The following PTPRR variants were observed in gnomAD, a reference collection of about 807,000 sequenced individuals.
PTPRR encodes the protein receptor-type tyrosine-protein phosphatase R.
A neutral mutation model predicts 77.2 loss-of-function variants in PTPRR; 38 were observed. That is an observed-to-expected ratio of 0.49 (90% CI 0.38 to 0.65). The LOEUF (loss-of-function observed/expected upper bound fraction) is 0.65, where lower values mean the gene tolerates loss of function less well. Ranked by LOEUF, PTPRR falls within the 30% of genes least tolerant of loss-of-function variation. PTPRR has a pLI of 0.00. For missense variants in PTPRR, 744 were observed against 799.2 expected (o/e 0.93, Z 0.83); for synonymous variants, 299 against 283.1 (o/e 1.06, Z -0.57).
chr12:70,698,430 G>A (rs1888308807), intron 7 of PTPRR, 81 bp from the exon 8 acceptor site: 1 of 1,225,848 alleles, frequency 8.2e-7, no homozygotes. Flanking sequence ...CTGATCCAGA[G>A]TTCTATTGGA....
At chr12:70,745,687 C>T in intron 6 of PTPRR, 131 bp downstream of exon 6, 4 of 1,063,744 alleles carry the variant, frequency 3.8e-6, no homozygotes, top group Non-Finnish European at 5.4e-6. Flanking sequence ...AACACTACTT[C>T]ATCTGACTGT....
chr12:70,920,614 G>A lies in PTPRR; in HGVS notation c.-224C>T, dbSNP rs551867309. On this transcript the variant is annotated 5_prime_UTR_variant, in exon 1 of 14. Transcript: ENST00000283228. Reference sequence around the variant, plus strand: ...AGCAGTAGGAGGTTGCGGGTAAGGGGAACAGAAGCGCTCAGAGGCGGCAAA... The same window carrying A: ...AGCAGTAGGAGGTTGCGGGTAAGGGAAACAGAAGCGCTCAGAGGCGGCAAA... The A allele has an allele frequency of 6.2e-4, 303 of 488,266 alleles. 1 individual carries two copies. Among genetic ancestry groups the A allele is most frequent in the African/African-American group, 5.5e-3 (284 of 51,294 alleles). 30.2% of individuals were successfully genotyped at this position (488,266 alleles called of 1,614,324 possible).
rs1043706802 is a variant in PTPRR at position 70,830,180 on chromosome 12, T to C, written c.357+62499A>G. On this transcript the variant is annotated intron_variant, in intron 2 of 13. Transcript: ENST00000283228. Reference sequence around the variant, plus strand: ...AAATATTGATGTATTTGTTGATGTTTTGTGGCCATCAAAGCAACCAGATTT... The same window carrying C: ...AAATATTGATGTATTTGTTGATGTTCTGTGGCCATCAAAGCAACCAGATTT... Among the ~76,000 whole-genome samples the C allele has an allele frequency of 4.6e-5, 7 of 152,312 alleles. No homozygotes were observed. The East Asian group carries it at 1.3e-3, about 29-fold the overall frequency.
intron 5 of PTPRR, among the ~76,000 whole-genome samples, chr12:70,751,319 C>T (rs1465403204): frequency 6.6e-6 from 1 of 152,076 alleles, no homozygotes; most frequent in East Asian, 1.9e-4. Context: ...TTCTCTCCTT[C>T]CCCACCACCC....
intron 2 of PTPRR, among the ~76,000 whole-genome samples, chr12:70,856,343 G>C (rs1484515907): frequency 6.6e-6 from 1 of 152,154 alleles, no homozygotes; most frequent in Non-Finnish European, 1.5e-5. Context: ...CATCTAATCT[G>C]TCTGGGATGT....
At chr12:70,885,149 C>T (rs945712972) in intron 2 of PTPRR, among the ~76,000 whole-genome samples, 1 of 152,004 alleles carries the variant, frequency 6.6e-6, no homozygotes, top group African/African-American at 2.4e-5. Context: ...AAGAAAGTAG[C>T]TTTCCCTGAG....
At chr12:70,765,906 T>A (rs1487757633) in intron 2 of PTPRR, among the ~76,000 whole-genome samples, 1 of 152,116 alleles carries the variant, frequency 6.6e-6, no homozygotes, top group Non-Finnish European at 1.5e-5. Flanking sequence ...GAAAACAGGG[T>A]CTGGAGTAGA....
chr12:70,709,685 G>A (rs545351676), intron 6 of PTPRR, among the ~76,000 whole-genome samples: 1 of 152,040 alleles, frequency 6.6e-6, no homozygotes, highest in South Asian at 2.1e-4. Flanking sequence ...TAGCATTCTT[G>A]TACACCAACA....
At chr12:70,908,731 C>T (rs1893660082) in intron 1 of PTPRR, among the ~76,000 whole-genome samples, 1 of 152,116 alleles carries the variant, frequency 6.6e-6, no homozygotes, top group African/African-American at 2.4e-5. Flanking sequence ...GTCTCCCTTG[C>T]CTGTGTTTTG....
At chr12:70,667,587 G>T (rs1305632704) in intron 10 of PTPRR, among the ~76,000 whole-genome samples, 1 of 152,118 alleles carries the variant, frequency 6.6e-6, no homozygotes, top group African/African-American at 2.4e-5. Flanking sequence ...CCTTGGTCAT[G>T]CTTGTGGTGG....
intron 1 of PTPRR, among the ~76,000 whole-genome samples, chr12:70,897,155 G>T (rs1264453999): frequency 1.3e-5 from 2 of 152,056 alleles, no homozygotes; most frequent in East Asian, 3.9e-4. Context: ...TGACAAATGG[G>T]ATCTAATTAT....
chr12:70,821,091 A>C (rs1891999317), intron 2 of PTPRR, among the ~76,000 whole-genome samples: 1 of 152,162 alleles, frequency 6.6e-6, no homozygotes, highest in Admixed American at 6.5e-5. Flanking sequence ...AATGAAGAAA[A>C]AATACTAGAC....
chr12:70,877,483 T>C (rs1893071063), intron 2 of PTPRR, among the ~76,000 whole-genome samples: 1 of 152,118 alleles, frequency 6.6e-6, no homozygotes, highest in African/African-American at 2.4e-5. Flanking sequence ...GGTCAGGTAT[T>C]ACAATTACCA....
At chr12:70,752,608 ACT>A (rs2136945526) in intron 5 of PTPRR, among the ~76,000 whole-genome samples, 1 of 152,168 alleles carries the variant, frequency 6.6e-6, no homozygotes, top group Admixed American at 6.5e-5. Context: ...GCTGGGCATG[ACT>A]CTGCTTTCCC....
chr12:70,848,570 C>T (rs570547367), intron 2 of PTPRR, among the ~76,000 whole-genome samples: 5 of 152,230 alleles, frequency 3.3e-5, no homozygotes, highest in South Asian at 2.1e-4. Flanking sequence ...GTGATCTGTC[C>T]GCCTTGGCCT....
Position 70,849,903 on chromosome 12 carries a change from G to A in PTPRR, c.357+42776C>T, listed in dbSNP as rs753970614. Among the ~76,000 whole-genome samples, 15 of 152,084 alleles carry A rather than the reference G, an allele frequency of 9.9e-5. 1 individual carries two copies. The Middle Eastern group carries it at 0.01, about 103-fold the overall frequency. On this transcript the variant is annotated intron_variant, in intron 2 of 13. Transcript: ENST00000283228. ...TTTTTAGCTAAATTACTCAGTAGAC[G>A]GAATGACAAACAAAAACCAAAAGAC...
At chr12:70,669,114 T>A (rs12425065) in intron 10 of PTPRR, among the ~76,000 whole-genome samples, 3,082 of 152,306 alleles carry the variant, frequency 0.02, 60 homozygotes, top group Admixed American at 0.037. Context: ...AAAAGCAGAA[T>A]ATACATCATA....
intron 6 of PTPRR, among the ~76,000 whole-genome samples, chr12:70,721,302 C>A (rs1240749622): frequency 6.6e-6 from 1 of 152,160 alleles, no homozygotes; most frequent in African/African-American, 2.4e-5. Flanking sequence ...TATAAAACTT[C>A]TGTCTAAGAA....
intron 13 of PTPRR, among the ~76,000 whole-genome samples, chr12:70,653,477 G>T (rs539303155): frequency 6.6e-6 from 1 of 152,170 alleles, no homozygotes; most frequent in Admixed American, 6.5e-5. Flanking sequence ...AGGATTGGGG[G>T]GTAAAGAGAG....
Sources: allele counts gnomAD v4.1 joint callset (sites outside exome capture counted in the v4.1 genomes callset), GRCh38; gene constraint gnomAD v4.1.1; transcripts MANE v1.5; gene names NCBI Gene and HGNC (gene_info 2026-07-23, HGNC 2026-07-21).